Variants in CEP72 observed in about 807,000 individuals in gnomAD.
The protein encoded by CEP72 is centrosomal protein of 72 kDa.
A neutral mutation model predicts 65.7 loss-of-function variants in CEP72; 78 were observed. The observed-to-expected ratio is 1.19, with a 90% CI of 0.99 to 1.43. CEP72 has a LOEUF of 1.43. CEP72 is among the 40% of genes most tolerant of loss of function. CEP72 has a pLI of 0.00. For missense variants in CEP72, 914 were observed against 832.9 expected, an observed-to-expected ratio of 1.10 and a Z score of -1.20; for synonymous variants, 358 against 351.7, an observed-to-expected ratio of 1.02 and a Z score of -0.20.
intron 1 of CEP72, among the ~76,000 whole-genome samples, chr5:614,603 C>T (rs756003082): frequency 1.3e-5 from 2 of 151,978 alleles, no homozygotes; most frequent in African/African-American, 2.4e-5. Context: ...CCTCATGATC[C>T]GCCCACCTCG....
rs1468060269 is a variant in CEP72 at position 623,895 on chromosome 5, C to G, written c.404-576C>G. Among the ~76,000 whole-genome samples the G allele has an allele frequency of 1.3e-5, 2 of 152,182 alleles. No homozygotes were observed. Among genetic ancestry groups the G allele is most frequent in the African/African-American group, 4.8e-5 (2 of 41,442 alleles). ...AGGCTAAATGGAGGCAGCGTGGGAA[C>G]TTGTCACAGAATTCACATTACAAAT... On this transcript the variant is annotated intron_variant, in intron 3 of 11. Coordinates refer to ENST00000264935, the MANE Select transcript of CEP72 (RefSeq NM_018140.4). This position sits in a 1 kb window ranked among gnomAD's most constrained non-coding sequence, Gnocchi z 5.3.
At chr5:648,794 CTG>C (rs139265149) in intron 11 of CEP72, among the ~76,000 whole-genome samples, 2,168 of 96,556 alleles carry the variant, frequency 0.022, 231 homozygotes, top group Non-Finnish European at 0.036. Context: ...TGAGGTGTGA[CTG>C]TGAGGCGTGG....
intron 3 of CEP72, among the ~76,000 whole-genome samples, chr5:620,926 C>T (rs1736348238): frequency 6.6e-6 from 1 of 152,186 alleles, no homozygotes; most frequent in Non-Finnish European, 1.5e-5. Flanking sequence ...CTGTGAGCAC[C>T]TGGTGGTGTC....
At chr5:636,094 G>T (rs532625436) in intron 6 of CEP72, among the ~76,000 whole-genome samples, 1 of 152,358 alleles carries the variant, frequency 6.6e-6, no homozygotes, top group East Asian at 1.9e-4. Flanking sequence ...TAGGAACTTT[G>T]GGGGGTTCCT....
chr5:646,692 G>A (rs957159802), intron 10 of CEP72, among the ~76,000 whole-genome samples: 1 of 152,198 alleles, frequency 6.6e-6, no homozygotes, highest in African/African-American at 2.4e-5. Flanking sequence ...GGGGGCCCCT[G>A]GCCTCACCCT....
chr5:620,301 G>A (rs185512969), intron 3 of CEP72, 40 bp downstream of exon 3: 22 of 1,572,984 alleles, frequency 1.4e-5, no homozygotes, highest in African/African-American at 6.7e-5. Context: ...TTTTGTCCCC[G>A]TGGGGTATGG....
rs1378536714 is a variant in CEP72, at chr5:665,650, C to A, written n.434-291C>A. Among the ~76,000 whole-genome samples the A allele has an allele frequency of 5.6e-5, 7 of 125,806 alleles. No individual in the cohort carries two copies. The East Asian group carries it at 1.1e-3, about 20-fold the overall frequency. The allele number at this position is 125,806 out of a possible 152,430, so 82.5% of individuals were successfully genotyped here. ...CCCTTCAGACCAAGCCTCCCCAGGA[C>A]CCCCCCAGGCCACGCCGACCTGGCC... On this transcript the variant is annotated intron_variant and non_coding_transcript_variant, in intron 3 of 4. Transcript: ENST00000514507.
downstream of CEP72, among the ~76,000 whole-genome samples, chr5:670,461 A>C (rs1017227801): frequency 1.3e-5 from 2 of 151,924 alleles, no homozygotes; most frequent in Non-Finnish European, 1.5e-5. Context: ...TCTGAGAGAG[A>C]GGGGCTGCGG....
At chr5:658,700 G>A (rs563608718), downstream of CEP72, among the ~76,000 whole-genome samples, 19 of 89,612 alleles carry the variant, frequency 2.1e-4, no homozygotes, top group African/African-American at 3.9e-4. Flanking sequence ...ATGGAGTCTC[G>A]CTCTATTGCC....
At chr5:665,321 G>A (rs769452662) in exon 3 of CEP72, 1 of 1,601,014 alleles carries the variant, frequency 6.2e-7, no homozygotes, top group Non-Finnish European at 8.5e-7. Flanking sequence ...GGAGGAAGGG[G>A]GCAGGTGAGT....
chr5:658,900 C>A (rs1463973263), downstream of CEP72, among the ~76,000 whole-genome samples: 1 of 152,106 alleles, frequency 6.6e-6, no homozygotes, highest in Non-Finnish European at 1.5e-5. Context: ...AATCTCCTGA[C>A]CTTGTGATCT....
chr5:626,857 A>T (rs1309083102), intron 4 of CEP72, among the ~76,000 whole-genome samples: 2 of 152,178 alleles, frequency 1.3e-5, no homozygotes, highest in Non-Finnish European at 2.9e-5. Context: ...CCAGCCGTGC[A>T]TACCTAGAAT....
At chr5:614,491 C>G (rs1579914439) in intron 1 of CEP72, among the ~76,000 whole-genome samples, 1 of 142,094 alleles carries the variant, frequency 7.0e-6, no homozygotes, top group Non-Finnish European at 1.5e-5. Flanking sequence ...CTCTGTCACC[C>G]AGGCTGGAGT....
downstream of CEP72, among the ~76,000 whole-genome samples, chr5:654,096 CTGTG>C (rs1189944863): frequency 1.6e-5 from 2 of 125,638 alleles, no homozygotes; most frequent in South Asian, 2.6e-4. Flanking sequence ...TGTGTGCTAG[CTGTG>C]TGTGTGCTAG....
chr5:646,434 T>G (rs1024127035), intron 10 of CEP72, among the ~76,000 whole-genome samples: 6 of 152,242 alleles, frequency 3.9e-5, no homozygotes, highest in African/African-American at 1.4e-4. Context: ...AAATTGTGCT[T>G]CTGGATTTCA....
At chr5:629,347 A>G (rs1025228564) in intron 4 of CEP72, among the ~76,000 whole-genome samples, 3 of 152,288 alleles carry the variant, frequency 2.0e-5, no homozygotes, top group Non-Finnish European at 2.9e-5. Context: ...GTGTAATCAC[A>G]TAGCAGAACA....
rs141487731 is a variant in CEP72, at chr5:665,141, G to A, written n.288-39G>A. On this transcript the variant is annotated intron_variant and non_coding_transcript_variant, in intron 2 of 4. Transcript: ENST00000514507. The stretch of plus-strand genomic sequence containing the variant: ...GCACCTTCTGGTCGTAGGTGCCTGC[G>A]TGCTTGTAGCCGGACACATAGCCTG... 1.7e-3 allele frequency: 2,742 copies of A among 1,612,946 alleles called. 70 individuals are homozygous for A. In the Admixed American group the frequency reaches 0.042, roughly 25 times the overall value.
chr5:616,882 CTG>C (rs1736029992), intron 1 of CEP72, among the ~76,000 whole-genome samples: 1 of 141,890 alleles, frequency 7.0e-6, no homozygotes, highest in South Asian at 2.2e-4. Context: ...TGAAGAGAGT[CTG>C]TCCTGCAAGG....
At chr5:669,312 G>T (rs780223106), downstream of CEP72, among the ~76,000 whole-genome samples, 31 of 151,568 alleles carry the variant, frequency 2.0e-4, no homozygotes, top group Middle Eastern at 6.9e-3. Flanking sequence ...GGGCAGCTCT[G>T]TGGCGTGGGG....
Sources: allele counts gnomAD v4.1 joint callset (sites outside exome capture counted in the v4.1 genomes callset), GRCh38; gene constraint gnomAD v4.1.1; non-coding constraint Gnocchi (gnomAD v3.1); transcripts MANE v1.5; gene names NCBI Gene and HGNC (gene_info 2026-07-23, HGNC 2026-07-21).